The following CDH13 variants were observed in gnomAD, a reference collection of about 807,000 sequenced individuals.
CDH13 encodes the protein cadherin-13.
CDH13 carries 24 observed loss-of-function variants against 63.8 expected under a neutral mutation model. The observed-to-expected ratio is 0.38, with a 90% CI of 0.27 to 0.53. The LOEUF is 0.53. CDH13 is among the 20% of genes least tolerant of loss of function. The pLI is 0.85. For synonymous variants in CDH13, 503 were observed against 355.3 expected, an observed-to-expected ratio of 1.42 and a Z score of -4.67; for missense variants, 1,049 against 903.1, an observed-to-expected ratio of 1.16 and a Z score of -2.07.
At chr16:83,342,125 C>G (rs757437106) in intron 5 of CDH13, among the ~76,000 whole-genome samples, 23 of 152,106 alleles carry the variant, frequency 1.5e-4, no homozygotes, top group Admixed American at 3.9e-4. Flanking sequence ...ACTGAGCACT[C>G]AAAACGTTCC....
chr16:82,711,871 C>G (rs960377943), intron 1 of CDH13, among the ~76,000 whole-genome samples: 11 of 152,172 alleles, frequency 7.2e-5, no homozygotes, highest in African/African-American at 2.7e-4. Flanking sequence ...GAGTTAGGTG[C>G]TCATATTAGT....
chr16:83,592,186 G>C (rs1439863693), intron 7 of CDH13, among the ~76,000 whole-genome samples: 1 of 152,144 alleles, frequency 6.6e-6, no homozygotes. Context: ...ACAATGCCTA[G>C]CACACAGTAA....
In CDH13 at chr16:83,359,215, G is replaced by A. The variant is rs74034182; in HGVS notation, c.781+14209G>A. ...CTGATTCCCATCTCCAAAAGATCTG[G>A]TTTTCAGCTATGTTTCCACTGTGAT... On this transcript the variant is annotated intron_variant, in intron 6 of 13. Coordinates refer to ENST00000567109, the MANE Select transcript of CDH13 (RefSeq NM_001257.5). Among the ~76,000 whole-genome samples the A allele has an allele frequency of 9.4e-3, 1,425 of 152,214 alleles. 21 individuals carry two copies. The highest frequency in any genetic ancestry group is 0.033 in the African/African-American group (1,376 of 41,526).
chr16:83,367,664 G>C (rs1429841701), intron 6 of CDH13, among the ~76,000 whole-genome samples: 1 of 152,148 alleles, frequency 6.6e-6, no homozygotes, highest in Non-Finnish European at 1.5e-5. Context: ...ATTATTATTG[G>C]TCTTTTATTA....
chr16:82,771,169 A>G (rs886585553), intron 1 of CDH13, among the ~76,000 whole-genome samples: 2 of 152,212 alleles, frequency 1.3e-5, no homozygotes, highest in Non-Finnish European at 2.9e-5. Flanking sequence ...CTTGTTTATC[A>G]CAAGTCAGAC....
rs139589494 is a variant in CDH13 at position 83,031,095 on chromosome 16, C to A, written c.158-915C>A. Among the ~76,000 whole-genome samples the A allele has an allele frequency of 3.2e-3, 474 of 149,932 alleles. 3 individuals are homozygous for A. The highest frequency in any genetic ancestry group is 3.5e-3 in the Non-Finnish European group (235 of 67,330). ...GTGCTGTATACATATATGGTGCATGCGTATGTGTACATATGTGTACATGTA... is the reference window on the plus strand; with the variant it reads ...GTGCTGTATACATATATGGTGCATGAGTATGTGTACATATGTGTACATGTA... On this transcript the variant is annotated intron_variant, in intron 2 of 13. Transcript: ENST00000567109.
chr16:83,255,091 C>T (rs889798000), intron 5 of CDH13, among the ~76,000 whole-genome samples: 5 of 151,890 alleles, frequency 3.3e-5, no homozygotes, highest in African/African-American at 9.7e-5. Context: ...GCTCGTGAAG[C>T]AGCAGGAATG....
chr16:83,153,943 C>T (rs546961456), intron 4 of CDH13, among the ~76,000 whole-genome samples: 1 of 152,192 alleles, frequency 6.6e-6, no homozygotes, highest in African/African-American at 2.4e-5. Context: ...AAGTTCAGTG[C>T]AACAAAAGAA....
chr16:83,569,655 A>G (rs1168870527), intron 7 of CDH13, among the ~76,000 whole-genome samples: 1 of 152,130 alleles, frequency 6.6e-6, no homozygotes, highest in East Asian at 1.9e-4. Flanking sequence ...CTTCACAAAG[A>G]CATAGGACAT....
chr16:83,014,420 T>A (rs913455112), intron 2 of CDH13, among the ~76,000 whole-genome samples: 1 of 150,752 alleles, frequency 6.6e-6, no homozygotes, highest in African/African-American at 2.4e-5. Flanking sequence ...TACTTAAATA[T>A]ATGTATAAAA....
chr16:83,319,005 T>C (rs2090164680), intron 5 of CDH13, among the ~76,000 whole-genome samples: 1 of 150,788 alleles, frequency 6.6e-6, no homozygotes, highest in East Asian at 1.9e-4. Flanking sequence ...TATGAAAATA[T>C]ATATTATACA....
intron 5 of CDH13, among the ~76,000 whole-genome samples, chr16:83,224,634 C>G (rs2039791403): frequency 6.6e-6 from 1 of 152,232 alleles, no homozygotes; most frequent in Non-Finnish European, 1.5e-5. Context: ...CTCGACTCTC[C>G]TATCACGTGA....
chr16:82,870,063 G>A (rs1483289883), intron 2 of CDH13, among the ~76,000 whole-genome samples: 1 of 152,022 alleles, frequency 6.6e-6, no homozygotes, highest in Non-Finnish European at 1.5e-5. Context: ...GAAAATATTT[G>A]AGAACCACCC....
chr16:83,596,190 A>G (rs1907239753), intron 7 of CDH13, among the ~76,000 whole-genome samples: 1 of 152,190 alleles, frequency 6.6e-6, no homozygotes, highest in African/African-American at 2.4e-5. Context: ...TCACCTAGTG[A>G]CAGGGCAGCT....
At chr16:83,425,567 C>T (rs997226538) in intron 6 of CDH13, among the ~76,000 whole-genome samples, 3 of 152,224 alleles carry the variant, frequency 2.0e-5, no homozygotes, top group Non-Finnish European at 4.4e-5. Context: ...AAATATCCTT[C>T]TGCTAATTCC....
chr16:83,021,769 C>T (rs181568155), intron 2 of CDH13, among the ~76,000 whole-genome samples: 3 of 152,302 alleles, frequency 2.0e-5, no homozygotes, highest in South Asian at 2.1e-4. Flanking sequence ...GTCAACCAGT[C>T]ATGGCTAGAA....
chr16:83,453,616 C>T (rs2072940795), intron 6 of CDH13, among the ~76,000 whole-genome samples: 1 of 152,084 alleles, frequency 6.6e-6, no homozygotes, highest in South Asian at 2.1e-4. Flanking sequence ...TTGAGTCTAT[C>T]TGTGGGGTGT....
chr16:82,690,782 G>T (rs950708378), intron 1 of CDH13, among the ~76,000 whole-genome samples: 1 of 152,208 alleles, frequency 6.6e-6, no homozygotes, highest in African/African-American at 2.4e-5. Flanking sequence ...GGCACAACCT[G>T]CTCACACCTC....
intron 2 of CDH13, among the ~76,000 whole-genome samples, chr16:82,934,731 A>G (rs1325449840): frequency 6.6e-6 from 1 of 152,180 alleles, no homozygotes; most frequent in Non-Finnish European, 1.5e-5. Context: ...CTCTAGGGCA[A>G]GGGCAAGGGC....
Sources: allele counts gnomAD v4.1 joint callset (sites outside exome capture counted in the v4.1 genomes callset), GRCh38; gene constraint gnomAD v4.1.1; transcripts MANE v1.5; gene names NCBI Gene and HGNC (gene_info 2026-07-23, HGNC 2026-07-21).